KIF2A: variants seen among roughly 807,000 people sequenced by gnomAD.
KIF2A encodes kinesin-like protein KIF2A.
KIF2A carries 22 observed loss-of-function variants against 100.2 expected under a neutral mutation model. The ratio of observed to expected loss-of-function variants is 0.22; its 90% confidence interval spans 0.16 to 0.31. The LOEUF (loss-of-function observed/expected upper bound fraction) is 0.31. Ranked by LOEUF, KIF2A falls within the 10% of genes least tolerant of loss-of-function variation. The pLI is 1.00. For missense variants in KIF2A, 495 were observed against 898.7 expected (o/e 0.55, Z 5.74); for synonymous variants, 268 against 285.9 (o/e 0.94, Z 0.63).
intron 4 of KIF2A, among the ~76,000 whole-genome samples, chr5:62,352,152 C>G (rs928074139): frequency 8.4e-6 from 1 of 118,974 alleles, no homozygotes; most frequent in East Asian, 2.3e-4. Context: ...GACTTCATCT[C>G]AAAAAAAAAA....
chr5:62,360,054 T>C (rs1014053203), intron 9 of KIF2A, among the ~76,000 whole-genome samples: 1 of 151,964 alleles, frequency 6.6e-6, no homozygotes, highest in Non-Finnish European at 1.5e-5. Context: ...TGCAGTGGCA[T>C]GATCTCGGCT....
chr5:62,315,299 CCTTTGCCTAG>C (rs1371921943), intron 1 of KIF2A, among the ~76,000 whole-genome samples: 1 of 149,814 alleles, frequency 6.7e-6, no homozygotes. Flanking sequence ...ATATCTGGTT[CCTTTGCCTAG>C]AGATTCTGTC....
At chr5:62,358,353 G>A in intron 9 of KIF2A, 54 bp downstream of exon 9, 1 of 1,228,890 alleles carries the variant, frequency 8.1e-7, no homozygotes, top group Non-Finnish European at 1.1e-6. Context: ...GTGGTCATCA[G>A]CACCTTGAAA....
chr5:62,342,183 G>A (rs1747330941), intron 1 of KIF2A, among the ~76,000 whole-genome samples: 1 of 152,224 alleles, frequency 6.6e-6, no homozygotes, highest in African/African-American at 2.4e-5. Flanking sequence ...GCCACGGGCA[G>A]TTGGGGAAAG....
intron 20 of KIF2A, among the ~76,000 whole-genome samples, chr5:62,382,337 A>G (rs1741803568): frequency 6.6e-6 from 1 of 152,116 alleles, no homozygotes; most frequent in African/African-American, 2.4e-5. Context: ...AGCTATTGGG[A>G]GGCTGAAGTG....
At chr5:62,340,758 C>A (rs1561261801) in intron 1 of KIF2A, among the ~76,000 whole-genome samples, 1 of 151,500 alleles carries the variant, frequency 6.6e-6, no homozygotes, top group Non-Finnish European at 1.5e-5. Flanking sequence ...ACTTAACTTT[C>A]TAAATAAATC....
intron 4 of KIF2A, among the ~76,000 whole-genome samples, chr5:62,350,565 G>A (rs576555920): frequency 6.6e-6 from 1 of 152,066 alleles, no homozygotes; most frequent in Admixed American, 6.5e-5. Context: ...ATGAGCCACT[G>A]TGCCCAGCCT....
chr5:62,310,447 G>A (rs1478095866), intron 1 of KIF2A, among the ~76,000 whole-genome samples: 2 of 152,068 alleles, frequency 1.3e-5, no homozygotes, highest in Non-Finnish European at 2.9e-5. Context: ...CTTGCACATC[G>A]TTTTTGAATA....
chr5:62,374,655 A>T (rs1741465449), intron 18 of KIF2A, among the ~76,000 whole-genome samples: 1 of 152,196 alleles, frequency 6.6e-6, no homozygotes, highest in South Asian at 2.1e-4. Context: ...AAAGCTTAAA[A>T]ACAAGCCAGG....
At chr5:62,327,801 C>G (rs951645632) in intron 1 of KIF2A, among the ~76,000 whole-genome samples, 21 of 152,210 alleles carry the variant, frequency 1.4e-4, no homozygotes, top group African/African-American at 5.1e-4. Context: ...CCACTATCAT[C>G]ATAATCTTCC....
At chr5:62,308,177 C>T (rs1035284704) in intron 1 of KIF2A, 3 of 337,732 alleles carry the variant, frequency 8.9e-6, no homozygotes, top group African/African-American at 2.1e-5. Flanking sequence ...TAAATTATAC[C>T]GCTTAGAGCT....
chr5:62,367,773 CCCACTGCTCTTGAGTGACTTTATTTA>C (rs1741145691), intron 16 of KIF2A, among the ~76,000 whole-genome samples: 2 of 151,598 alleles, frequency 1.3e-5, no homozygotes, highest in African/African-American at 4.8e-5. Flanking sequence ...ATTTTTTTTT[CCCACTGCTCTTGAGTGACTTTATTTA>C]CCACTGCTCT....
intron 1 of KIF2A, among the ~76,000 whole-genome samples, chr5:62,317,686 A>T (rs1745886917): frequency 6.6e-6 from 1 of 152,086 alleles, no homozygotes; most frequent in African/African-American, 2.4e-5. Context: ...ACTTTTTATT[A>T]ATCAGGTGTT....
At chr5:62,328,734 C>T (rs1369935766) in intron 1 of KIF2A, among the ~76,000 whole-genome samples, 3 of 152,096 alleles carry the variant, frequency 2.0e-5, no homozygotes, top group Non-Finnish European at 4.4e-5. Context: ...TCAGGTGATC[C>T]GCCCGCCTCA....
intron 7 of KIF2A, among the ~76,000 whole-genome samples, chr5:62,355,799 CT>C (rs869252403): frequency 0.049 from 6,772 of 136,988 alleles, 122 homozygotes; most frequent in South Asian, 0.095. Context: ...CAGGGAGTGC[CT>C]TTTTTTTTTT....
At chr5:62,336,436 A>G (rs1255709780) in intron 1 of KIF2A, among the ~76,000 whole-genome samples, 1 of 152,184 alleles carries the variant, frequency 6.6e-6, no homozygotes, top group Non-Finnish European at 1.5e-5. Context: ...CATACCAATT[A>G]TTGTGACTCT....
chr5:62,349,018 A>G (rs767774937), intron 3 of KIF2A, among the ~76,000 whole-genome samples: 1 of 152,214 alleles, frequency 6.6e-6, no homozygotes, highest in Admixed American at 6.5e-5. Flanking sequence ...TAAACTATGC[A>G]GTTGAACCTG....
In KIF2A at chr5:62,388,450, C is replaced by T. The variant is rs920795307; in HGVS notation, c.*2881C>T. 4 of 152,088 alleles carry T rather than the reference C, an allele frequency of 2.6e-5. No homozygotes were observed. The highest frequency in any genetic ancestry group is 2.1e-4 in the South Asian group (1 of 4,812). 9.4% of individuals were successfully genotyped at this position (152,088 alleles called of 1,614,324 possible). A position where few individuals can be genotyped will look rare whatever the true frequency, so the allele number is the denominator to read the frequency against. ...CTAAGTCTCTGACGCTATAGGATAGCGAAAGAGGTAGGCAATCGTAACAGA... is the reference window on the plus strand; with the variant it reads ...CTAAGTCTCTGACGCTATAGGATAGTGAAAGAGGTAGGCAATCGTAACAGA... On this transcript the variant is annotated 3_prime_UTR_variant, in exon 21 of 21. Coordinates refer to ENST00000407818, the MANE Select transcript of KIF2A (RefSeq NM_001098511.3).
chr5:62,351,243 A>G (rs1230236409), intron 4 of KIF2A, among the ~76,000 whole-genome samples: 2 of 151,938 alleles, frequency 1.3e-5, no homozygotes, highest in Non-Finnish European at 2.9e-5. Context: ...TAAATAAATA[A>G]ATAAATAATA....
Sources: allele counts gnomAD v4.1 joint callset (sites outside exome capture counted in the v4.1 genomes callset), GRCh38; gene constraint gnomAD v4.1.1; transcripts MANE v1.5; gene names NCBI Gene and HGNC (gene_info 2026-07-23, HGNC 2026-07-21).